The following FAM169A variants were observed in gnomAD, a reference collection of about 807,000 sequenced individuals.
FAM169A encodes family with sequence similarity 169 member A, also known as soluble lamin-associated protein of 75 kDa.
FAM169A carries 24 observed loss-of-function variants against 75.7 expected under a neutral mutation model. The observed-to-expected ratio is 0.32, with a 90% CI of 0.23 to 0.45. The LOEUF is 0.45. Among genes scored for constraint, FAM169A ranks in the 20% least tolerant of loss-of-function variants. The probability of loss-of-function intolerance (pLI) is 1.00; values close to 1 mark genes in which losing one functional copy is unlikely to be tolerated. For synonymous variants in FAM169A, 271 were observed against 271.0 expected, an observed-to-expected ratio of 1.00 and a Z score of 0.00; for missense variants, 673 against 784.0, an observed-to-expected ratio of 0.86 and a Z score of 1.69.
intron 1 of FAM169A, among the ~76,000 whole-genome samples, chr5:74,849,167 T>C (rs1749312008): frequency 6.6e-6 from 1 of 152,200 alleles, no homozygotes. Flanking sequence ...ACCTCTTATA[T>C]AAGAGATCTA....
chr5:74,863,807 G>C (rs1381294310), intron 1 of FAM169A, among the ~76,000 whole-genome samples: 1 of 151,908 alleles, frequency 6.6e-6, no homozygotes, highest in East Asian at 1.9e-4. Context: ...GAACTTCTCT[G>C]ACTTGTATAA....
chr5:74,864,149 G>A (rs1217336735), intron 1 of FAM169A, among the ~76,000 whole-genome samples: 1 of 152,180 alleles, frequency 6.6e-6, no homozygotes, highest in East Asian at 1.9e-4. Flanking sequence ...AAAATAAATA[G>A]TTTAATTTAA....
Position 74,862,713 on chromosome 5 carries a change from A to G in FAM169A, c.-4+3452T>C, listed in dbSNP as rs140013270. 7.2e-5 allele frequency among the ~76,000 whole-genome samples: 11 copies of G among 152,362 alleles called. No homozygotes were observed. The East Asian group carries it at 2.1e-3, about 29-fold the overall frequency. On this transcript the variant is annotated intron_variant, in intron 1 of 12. Coordinates refer to ENST00000687041, the MANE Select transcript of FAM169A (RefSeq NM_001376049.1). ...TGGAATGAATTTTCCAAATTAAACT[A>G]ATTCTATACCTGAGAAGTTACAAAT...
intron 6 of FAM169A, among the ~76,000 whole-genome samples, chr5:74,813,059 G>C (rs1747287112): frequency 6.6e-6 from 1 of 152,154 alleles, no homozygotes; most frequent in Non-Finnish European, 1.5e-5. Flanking sequence ...AAAGAAGCCA[G>C]ACACAAAAAG....
rs376380131 is a variant in FAM169A, at chr5:74,803,238, G to A, written c.912+1255C>T. 4.6e-5 allele frequency among the ~76,000 whole-genome samples: 7 copies of A among 152,080 alleles called. No homozygotes were observed. The East Asian group carries it at 9.7e-4, about 21-fold the overall frequency. On this transcript the variant is annotated intron_variant, in intron 8 of 12. Coordinates refer to ENST00000687041, the MANE Select transcript of FAM169A (RefSeq NM_001376049.1). ...ATCATTGCTCTCGTTACATTTATAG[G>A]AAGAGTAGATTTTCTACTTTCCTTG... is the stretch of plus-strand genomic sequence containing the variant.
chr5:74,843,427 A>G (rs1561320399), intron 1 of FAM169A, among the ~76,000 whole-genome samples: 2 of 152,234 alleles, frequency 1.3e-5, no homozygotes, highest in Non-Finnish European at 2.9e-5. Flanking sequence ...ACCCTGTCGG[A>G]GATTAAAACA....
chr5:74,855,797 C>T (rs1272458556), intron 1 of FAM169A, among the ~76,000 whole-genome samples: 1 of 152,184 alleles, frequency 6.6e-6, no homozygotes, highest in Non-Finnish European at 1.5e-5. Context: ...CATGATCCCA[C>T]TTATCCATTT....
intron 1 of FAM169A, among the ~76,000 whole-genome samples, chr5:74,857,603 A>AAC: frequency 6.7e-6 from 1 of 149,258 alleles, no homozygotes; most frequent in Admixed American, 6.7e-5. Flanking sequence ...AAAAAAAAAA[A>AAC]ACTTCCCTTA....
At chr5:74,819,616 T>C (rs1057152202) in intron 5 of FAM169A, among the ~76,000 whole-genome samples, 3 of 152,194 alleles carry the variant, frequency 2.0e-5, no homozygotes, top group African/African-American at 7.2e-5. Flanking sequence ...ATATCAGCAT[T>C]GTTCAAAATA....
chr5:74,857,012 G>A (rs1749743495), intron 1 of FAM169A, among the ~76,000 whole-genome samples: 1 of 151,228 alleles, frequency 6.6e-6, no homozygotes, highest in Non-Finnish European at 1.5e-5. Flanking sequence ...GGGAGGCTGA[G>A]GCAGGAGAAT....
intron 11 of FAM169A, among the ~76,000 whole-genome samples, chr5:74,794,762 G>A (rs1180999363): frequency 6.9e-6 from 1 of 143,944 alleles, no homozygotes; most frequent in Non-Finnish European, 1.5e-5. Flanking sequence ...CTGGGCGACA[G>A]AGCGCAACTC....
At chr5:74,822,097 T>C (rs1466607030) in intron 5 of FAM169A, among the ~76,000 whole-genome samples, 1 of 152,170 alleles carries the variant, frequency 6.6e-6, no homozygotes, top group African/African-American at 2.4e-5. Context: ...GTGTTATGCA[T>C]TCTCCTGGTT....
chr5:74,799,669 A>G (rs1746459968), intron 10 of FAM169A: 1 of 1,297,294 alleles, frequency 7.7e-7, no homozygotes, highest in Non-Finnish European at 1.1e-6. Flanking sequence ...CAGCCACGAC[A>G]GCACCATGTC....
At chr5:74,797,924 A>C (rs1356492185) in intron 10 of FAM169A, among the ~76,000 whole-genome samples, 3 of 152,146 alleles carry the variant, frequency 2.0e-5, no homozygotes, top group Admixed American at 6.5e-5. Context: ...TAAACAATAA[A>C]AATATATAAG....
At position 74,857,571 on chromosome 5, in the gene FAM169A, G is replaced by GAAAAAAAAAAA. The variant is rs1561328873; in HGVS notation, c.-4+8593_-4+8594insTTTTTTTTTTT. 5.6e-4 allele frequency among the ~76,000 whole-genome samples: 37 copies of GAAAAAAAAAAA among 65,716 alleles called. 5 individuals carry two copies. The highest frequency in any genetic ancestry group is 1.9e-3 in the African/African-American group (30 of 15,878). The allele number at this position is 65,716 out of a possible 152,430, so 43.1% of individuals were successfully genotyped here. A position where few individuals can be genotyped will look rare whatever the true frequency, so the allele number is the denominator to read the frequency against. On this transcript the variant is annotated intron_variant, in intron 1 of 12. Coordinates refer to ENST00000687041, the MANE Select transcript of FAM169A (RefSeq NM_001376049.1). ...GGTGACAGAGCCAGACCTTGCCGCG[G>GAAAAAAAAAAA]GAAAAAAAAAAAAAAAAAAAAAAAA...
intron 1 of FAM169A, among the ~76,000 whole-genome samples, chr5:74,852,458 G>A (rs1190915669): frequency 6.6e-6 from 1 of 152,048 alleles, no homozygotes; most frequent in African/African-American, 2.4e-5. Context: ...TAACTTCAAA[G>A]CATATTTACT....
In FAM169A at chr5:74,781,523, C is replaced by G; in HGVS notation, c.1950G>C (p.Arg650=). The G allele has an allele frequency of 6.2e-7, 1 of 1,614,204 alleles. No individual in the cohort carries two copies. The highest frequency in any genetic ancestry group is 8.5e-7 in the Non-Finnish European group (1 of 1,180,020). Residue 650 remains arginine (R), a synonymous_variant, in exon 13 of 13, where the codon CGG becomes CGC. Transcript: ENST00000687041. ...GCCCTTTGGCCTTTCTTCTTAAATT[C>G]CGCCTGTCTACCACAGGCACTTCCA... is the stretch of plus-strand genomic sequence containing the variant. ...IEVEVPVVDR[R]NLRRKAKGHK...
At chr5:74,795,025 A>G (rs1746195866) in intron 11 of FAM169A, among the ~76,000 whole-genome samples, 1 of 152,164 alleles carries the variant, frequency 6.6e-6, no homozygotes, top group Non-Finnish European at 1.5e-5. Context: ...TGGGAGGCTG[A>G]GGCGGGCACA....
chr5:74,859,175 T>C (rs574504196), intron 1 of FAM169A, among the ~76,000 whole-genome samples: 3 of 150,964 alleles, frequency 2.0e-5, no homozygotes, highest in South Asian at 2.1e-4. Context: ...GACAGTGCCA[T>C]TGCACTCCAG....
Sources: gnomAD v4.1 joint callset for allele counts (sites outside exome capture counted in the v4.1 genomes callset) on GRCh38, gnomAD v4.1.1 for gene constraint, MANE v1.5 for transcripts, NCBI Gene and HGNC (gene_info 2026-07-23, HGNC 2026-07-21) for gene names.